Variants in CLCA4 observed in about 807,000 individuals in gnomAD.
CLCA4 encodes the protein chloride channel accessory 4, also known as calcium-activated chloride channel regulator 4.
Under a neutral mutation model 78.9 loss-of-function variants are expected in CLCA4, and 69 were observed. The observed-to-expected ratio is 0.87, with a 90% CI of 0.72 to 1.07. The LOEUF is 1.07. Among genes scored for constraint, CLCA4 ranks in the 50% least tolerant of loss-of-function variants. The probability of loss-of-function intolerance (pLI) is 0.00; values close to 1 mark genes in which losing one functional copy is unlikely to be tolerated. For synonymous variants in CLCA4, 362 were observed against 375.8 expected, an observed-to-expected ratio of 0.96 and a Z score of 0.42; for missense variants, 1,133 against 1,095.8, an observed-to-expected ratio of 1.03 and a Z score of -0.48.
intron 12 of CLCA4, 96 bp from the exon 13 acceptor site, chr1:86,579,258 T>A: frequency 2.2e-6 from 2 of 924,882 alleles, no homozygotes; most frequent in South Asian, 3.1e-5. Context: ...GTATATATTT[T>A]TTTAGAAGGA....
In CLCA4 at chr1:86,565,989, G is replaced by A. The variant is rs776946663; in HGVS notation, c.923G>A (p.Cys308Tyr). 1.4e-5 allele frequency: 23 copies of A among 1,612,846 alleles called. No homozygotes were observed. Among genetic ancestry groups the A allele is most frequent in the Non-Finnish European group, 1.9e-5 (22 of 1,179,180 alleles). ...SLLKISQRIVCLVLDKSGSMG... is the reference protein window; with the variant it reads ...SLLKISQRIVYLVLDKSGSMG... ...CTGAAGATCAGTCAAAGAATTGTGT[G>A]CTTAGTTCTTGATAAGTCTGGAAGC... The change falls in exon 6 of 14, where the codon TGC becomes TAC. Residue 308 changes from cysteine (C) to tyrosine (Y), a missense_variant. Transcript: ENST00000370563.
At chr1:86,553,204 G>A in intron 1 of CLCA4, 1 of 1,164,818 alleles carries the variant, frequency 8.6e-7, no homozygotes. Flanking sequence ...ATGTGGCAAA[G>A]CTGCAGCTTC....
rs116237296 is a variant in CLCA4, at chr1:86,579,833, G to A, written c.2357-109G>A. 7,624 of 816,102 alleles carry A rather than the reference G, an allele frequency of 9.3e-3. 46 individuals are homozygous for A. Among genetic ancestry groups the A allele is most frequent in the Non-Finnish European group, 0.011 (6,036 of 526,064 alleles). The allele number at this position is 816,102 out of a possible 1,614,324, so 50.6% of individuals were successfully genotyped here. On this transcript the variant is annotated intron_variant, in intron 13 of 13. Coordinates refer to ENST00000370563, the MANE Select transcript of CLCA4 (RefSeq NM_012128.4). ...TCAGCTTTTATTAAAAAATGAGTAAGGCTTTTGATCTATCTGCTTTGCATA... is the reference window on the plus strand; with the variant it reads ...TCAGCTTTTATTAAAAAATGAGTAAAGCTTTTGATCTATCTGCTTTGCATA...
At position 86,563,710 on chromosome 1, in the gene CLCA4, T is replaced by A; in HGVS notation, c.498T>A (p.Asp166Glu). 3 of 1,608,300 alleles carry A rather than the reference T, an allele frequency of 1.9e-6. No individual in the cohort carries two copies. The highest frequency in any genetic ancestry group is 2.5e-6 in the Non-Finnish European group (3 of 1,176,912). ...CTCACCTCCGGTGGGGAGTGTTTGATGAGTACAATGAAGATCAGCCTTTCT... is the reference window on the plus strand; with the variant it reads ...CTCACCTCCGGTGGGGAGTGTTTGAAGAGTACAATGAAGATCAGCCTTTCT... ...EWAHLRWGVF[D>E]EYNEDQPFYR... The change falls in exon 4 of 14, where the codon GAT becomes GAA. Residue 166 changes from aspartate (D) to glutamate (E), a missense_variant. By Grantham distance (45) the Asp-to-Glu change is conservative. Coordinates refer to ENST00000370563, the MANE Select transcript of CLCA4 (RefSeq NM_012128.4).
At chr1:86,569,358 G>A (rs1050746381) in intron 7 of CLCA4, among the ~76,000 whole-genome samples, 1 of 152,028 alleles carries the variant, frequency 6.6e-6, no homozygotes, top group African/African-American at 2.4e-5. Context: ...ATAGAAGCTA[G>A]TAGCAGTGGA....
At chr1:86,554,187 TC>T (rs1453497784) in intron 1 of CLCA4, among the ~76,000 whole-genome samples, 1 of 152,088 alleles carries the variant, frequency 6.6e-6, no homozygotes, top group Non-Finnish European at 1.5e-5. Flanking sequence ...CTTGTTCTCT[TC>T]TTTGTGTTCA....
At chr1:86,565,221 T>C in intron 4 of CLCA4, 53 bp from the exon 5 acceptor site, 2 of 1,281,414 alleles carry the variant, frequency 1.6e-6, no homozygotes, top group East Asian at 2.3e-5. Flanking sequence ...TTAAGATTTC[T>C]GTAAGTGCTA....
intron 12 of CLCA4, 30 bp downstream of exon 12, chr1:86,578,102 TG>T (rs749482902): frequency 1.3e-6 from 2 of 1,578,978 alleles, no homozygotes; most frequent in South Asian, 2.3e-5. Flanking sequence ...TATAATCCAG[TG>T]ATAGTTTGAA....
In CLCA4 at chr1:86,563,733, T is replaced by TCTACCGTG. The variant is rs1382303828; in HGVS notation, c.525_532dup (p.Lys178ThrfsTer63). On this transcript the variant is annotated frameshift_variant, in exon 4 of 14. Transcript: ENST00000370563. LOFTEE classifies it high-confidence loss of function. The stretch of plus-strand genomic sequence containing the variant: ...GATGAGTACAATGAAGATCAGCCTT[T>TCTACCGTG]CTACCGTGCTAAGTCAAAAAAAATC... The TCTACCGTG allele has an allele frequency of 3.1e-6, 5 of 1,610,436 alleles. No homozygotes were observed. Among genetic ancestry groups the TCTACCGTG allele is most frequent in the Non-Finnish European group, 4.2e-6 (5 of 1,177,736 alleles).
chr1:86,565,157 G>A (rs1650139261), intron 4 of CLCA4, 117 bp from the exon 5 acceptor site: 2 of 642,686 alleles, frequency 3.1e-6, no homozygotes, highest in Non-Finnish European at 5.3e-6. Flanking sequence ...GGAAGTACAT[G>A]GTACCATAGA....
rs769431150 is a variant in CLCA4 at position 86,547,257 on chromosome 1, A to G, written c.138A>G (p.Glu46=). 2.6e-5 allele frequency: 42 copies of G among 1,593,612 alleles called. 1 individual carries two copies. The Middle Eastern group carries it at 2.7e-3, about 102-fold the overall frequency. ...IVIDPSVPED[E]KIIEQIEDMV... ...TAGATCCTAGTGTGCCAGAAGATGA[A>G]AAAATAATTGAACAAATAGAGGTAA... Residue 46 remains glutamate (E), a synonymous_variant, in exon 1 of 14, where the codon GAA becomes GAG. Coordinates refer to ENST00000370563, the MANE Select transcript of CLCA4 (RefSeq NM_012128.4).
At chr1:86,578,936 A>G (rs1650614762) in intron 12 of CLCA4, among the ~76,000 whole-genome samples, 2 of 152,044 alleles carry the variant, frequency 1.3e-5, no homozygotes, top group South Asian at 2.1e-4. Context: ...TCTACTAGCA[A>G]TTGGAATACA....
intron 4 of CLCA4, among the ~76,000 whole-genome samples, chr1:86,564,294 G>C (rs540143125): frequency 6.6e-6 from 1 of 152,088 alleles, no homozygotes; most frequent in South Asian, 2.1e-4. Flanking sequence ...ATTAAAATTG[G>C]TGCTATCACC....
Position 86,580,603 on chromosome 1 carries a change from G to A in CLCA4, c.*258G>A. ...TTTGTAAGAAATAGTGATGAACAAA[G>A]ATCCTTTTTCATACTGATACCTGGT... On this transcript the variant is annotated 3_prime_UTR_variant, in exon 14 of 14. Transcript: ENST00000370563. 6.4e-6 allele frequency: 2 copies of A among 310,862 alleles called. No homozygotes were observed. Among genetic ancestry groups the A allele is most frequent in the Non-Finnish European group, 1.2e-5 (2 of 171,876 alleles). 19.3% of individuals were successfully genotyped at this position (310,862 alleles called of 1,614,324 possible).
chr1:86,578,295 T>A (rs1318235807), intron 12 of CLCA4, among the ~76,000 whole-genome samples: 1 of 152,096 alleles, frequency 6.6e-6, no homozygotes, highest in Non-Finnish European at 1.5e-5. Context: ...GGTCAATTAT[T>A]CTTATTTTTT....
intron 1 of CLCA4, among the ~76,000 whole-genome samples, chr1:86,551,879 C>T (rs1416984274): frequency 7.5e-6 from 1 of 133,646 alleles, no homozygotes; most frequent in African/African-American, 2.8e-5. Flanking sequence ...ATGTGGCTCC[C>T]ACAGTAGATT....
At position 86,565,280 on chromosome 1, in the gene CLCA4, C is replaced by CTGAAATAGAGTTTATAAGT. The variant is rs753494354; in HGVS notation, c.564_565insTGAAATAGAGTTTATAAGT (p.Ala189Ter). The CTGAAATAGAGTTTATAAGT allele has an allele frequency of 3.1e-6, 5 of 1,587,648 alleles. No homozygotes were observed. Among genetic ancestry groups the CTGAAATAGAGTTTATAAGT allele is most frequent in the Non-Finnish European group, 4.3e-6 (5 of 1,169,700 alleles). ...AACTGTCATATATTTTCAGGTGTTC[C>CTGAAATAGAGTTTATAAGT]GCAGGTATCTCTGGTAGAAATAGAG... On this transcript the variant is annotated stop_gained and frameshift_variant, in exon 5 of 14. Coordinates refer to ENST00000370563, the MANE Select transcript of CLCA4 (RefSeq NM_012128.4). LOFTEE classifies it high-confidence loss of function.
intron 7 of CLCA4, 51 bp from the exon 8 acceptor site, chr1:86,571,026 A>G (rs776003910): frequency 7.3e-6 from 10 of 1,361,738 alleles, no homozygotes; most frequent in African/African-American, 4.3e-5. Context: ...CCATTTGTCT[A>G]TTTGATCTAG....
At chr1:86,554,560 C>T (rs571489085) in intron 1 of CLCA4, among the ~76,000 whole-genome samples, 13 of 152,220 alleles carry the variant, frequency 8.5e-5, no homozygotes, top group African/African-American at 2.6e-4. Context: ...CCACCATGCC[C>T]GGCCCTGTAC....
Sources: allele counts gnomAD v4.1 joint callset (sites outside exome capture counted in the v4.1 genomes callset), GRCh38; gene constraint gnomAD v4.1.1; transcripts MANE v1.5; gene names NCBI Gene and HGNC (gene_info 2026-07-23, HGNC 2026-07-21).